The following ZC3H4 variants were observed in gnomAD, a reference collection of about 807,000 sequenced individuals.
ZC3H4 encodes the protein zinc finger CCCH-type containing 4.
Under a neutral mutation model 108.3 loss-of-function variants are expected in ZC3H4, and 13 were observed. The ratio of observed to expected loss-of-function variants is 0.12; its 90% CI spans 0.08 to 0.19. ZC3H4 has a LOEUF of 0.19. Ranked by LOEUF, ZC3H4 falls within the 10% of genes least tolerant of loss-of-function variation. ZC3H4 has a pLI of 1.00. For synonymous variants in ZC3H4, 917 were observed against 749.6 expected (o/e 1.22, Z -3.65); for missense variants, 1,734 against 1,838.8 (o/e 0.94, Z 1.04).
chr19:47,094,758 T>C (rs935542340), intron 2 of ZC3H4, 150 bp from the exon 3 acceptor site: 40 of 733,880 alleles, frequency 5.5e-5, no homozygotes, highest in Non-Finnish European at 7.7e-5. Flanking sequence ...TGGCCTCTTG[T>C]TCCATCCCTT....
intron 5 of ZC3H4, 90 bp downstream of exon 5, chr19:47,089,877 C>A (rs951978683): frequency 1.4e-6 from 2 of 1,394,238 alleles, no homozygotes; most frequent in South Asian, 1.2e-5. Flanking sequence ...CCCTAAGTGA[C>A]CAAACTTGAG....
rs983336280 is a variant in ZC3H4, at chr19:47,112,600, G to A, written c.-5-11C>T. 28 of 1,207,372 alleles carry A rather than the reference G, an allele frequency of 2.3e-5. No homozygotes were observed. In the Admixed American group the frequency reaches 5.9e-4, roughly 26 times the overall value. 74.8% of individuals were successfully genotyped at this position (1,207,372 alleles called of 1,614,324 possible). ...CGGCCTCCATAGTTCCTTTGGGGGGGAGGGGATGTTAATGCACGAAAAAGG... is the reference window on the plus strand; with the variant it reads ...CGGCCTCCATAGTTCCTTTGGGGGGAAGGGGATGTTAATGCACGAAAAAGG... On this transcript the variant is annotated splice_polypyrimidine_tract_variant and intron_variant, in intron 1 of 14. Transcript: ENST00000253048.
chr19:47,100,504 T>A (rs1257958510), intron 2 of ZC3H4, among the ~76,000 whole-genome samples: 1 of 151,716 alleles, frequency 6.6e-6, no homozygotes, highest in Admixed American at 6.6e-5. Flanking sequence ...GGCATCAGCA[T>A]CTGTACCCTG....
chr19:47,087,035 G>A (rs2057641323), intron 5 of ZC3H4, among the ~76,000 whole-genome samples: 1 of 151,940 alleles, frequency 6.6e-6, no homozygotes, highest in Non-Finnish European at 1.5e-5. Context: ...CAGCACTCTC[G>A]GAGGCTGAGG....
intron 10 of ZC3H4, 51 bp downstream of exon 10, chr19:47,082,133 C>G: frequency 7.0e-7 from 1 of 1,434,840 alleles, no homozygotes; most frequent in Non-Finnish European, 9.8e-7. Flanking sequence ...CATCAAGGAG[C>G]AGAGAAGTTC....
At position 47,072,839 on chromosome 19, in the gene ZC3H4, T is replaced by C; in HGVS notation, c.1441-126A>G. On this transcript the variant is annotated intron_variant, in intron 11 of 14. Coordinates refer to ENST00000253048, the MANE Select transcript of ZC3H4 (RefSeq NM_015168.2). The surrounding 1 kb of genome is among the most constrained non-coding windows in gnomAD (Gnocchi z 5.6). ...ACAAGGACCTTGAGATCTAAAGGCA[T>C]AAAGACCACAATGGCTCTGTAACAA... The C allele has an allele frequency of 9.2e-7, 1 of 1,086,502 alleles. No individual in the cohort carries two copies. The highest frequency in any genetic ancestry group is 1.3e-6 in the Non-Finnish European group (1 of 766,708). The allele number at this position is 1,086,502 out of a possible 1,614,324, so 67.3% of individuals were successfully genotyped here. A position where few individuals can be genotyped will look rare whatever the true frequency, so the allele number is the denominator to read the frequency against.
At chr19:47,076,043 T>C (rs532886774) in intron 11 of ZC3H4, among the ~76,000 whole-genome samples, 1 of 152,352 alleles carries the variant, frequency 6.6e-6, no homozygotes, top group Admixed American at 6.5e-5. Context: ...CTGCAAGCAA[T>C]AAGTAACACT....
Position 47,071,827 on chromosome 19 carries a change from GTAGAAGTTTTCA to G in ZC3H4, c.2085_2096del (p.Glu696_Tyr699del). ...CCATCTCCATGCCCTCCTGCTGCTGGTAGAAGTTTTCATAGAAGTTCTGGGCTGGCGGGATAG... is the reference window on the plus strand; with the variant it reads ...CCATCTCCATGCCCTCCTGCTGCTGGTAGAAGTTCTGGGCTGGCGGGATAG... On this transcript the variant is annotated inframe_deletion, in exon 13 of 15. Transcript: ENST00000253048. 6.2e-7 allele frequency: 1 copy of G among 1,613,626 alleles called. No homozygotes were observed. Among genetic ancestry groups the G allele is most frequent in the Admixed American group, 1.7e-5 (1 of 59,954 alleles).
Position 47,081,567 on chromosome 19 carries a change from G to A in ZC3H4, c.1386C>T (p.Asp462=). The A allele has an allele frequency of 6.2e-7, 1 of 1,614,246 alleles. No homozygotes were observed. Among genetic ancestry groups the A allele is most frequent in the Non-Finnish European group, 8.5e-7 (1 of 1,180,048 alleles). The stretch of plus-strand genomic sequence containing the variant: ...TCAGAGGGTCGTGGGAAAACATGCA[G>A]TCGTCACCATTGATGCAGTTCCCAG... ...HTTGNCINGD[D]CMFSHDPLTE... is the part of the protein sequence containing the mutation. The change falls in exon 11 of 15, where the codon GAC becomes GAT. Residue 462 remains aspartate (D), a synonymous_variant. Transcript: ENST00000253048.
intron 6 of ZC3H4, among the ~76,000 whole-genome samples, chr19:47,085,794 T>G (rs2057610049): frequency 1.3e-5 from 2 of 152,210 alleles, no homozygotes; most frequent in Non-Finnish European, 2.9e-5. Flanking sequence ...TGGCTGGAAA[T>G]GTCTCTAGAG....
chr19:47,072,126 A>T lies in ZC3H4; in HGVS notation c.1803-5T>A. The T allele has an allele frequency of 6.6e-7, 1 of 1,521,976 alleles. No individual in the cohort carries two copies. The highest frequency in any genetic ancestry group is 8.8e-7 in the Non-Finnish European group (1 of 1,138,124). 94.3% of individuals were successfully genotyped at this position (1,521,976 alleles called of 1,614,324 possible). A position where few individuals can be genotyped will look rare whatever the true frequency, so the allele number is the denominator to read the frequency against. The stretch of plus-strand genomic sequence containing the variant: ...GGTCCACCGGGTCCAGGGAACCTAG[A>T]AGAGGGAAAAGGTGCCTGTGACGGA... On this transcript the variant is annotated splice_region_variant and splice_polypyrimidine_tract_variant and intron_variant, in intron 12 of 14. Transcript: ENST00000253048. This position sits in a 1 kb window ranked among gnomAD's most constrained non-coding sequence, Gnocchi z 5.6.
rs367757496 is a variant in ZC3H4 at position 47,093,940 on chromosome 19, A to G, written c.492+30T>C. 77 of 1,582,590 alleles carry G rather than the reference A, an allele frequency of 4.9e-5. No homozygotes were observed. In the East Asian group the frequency reaches 1.6e-3, roughly 33 times the overall value. On this transcript the variant is annotated intron_variant, in intron 4 of 14. Coordinates refer to ENST00000253048, the MANE Select transcript of ZC3H4 (RefSeq NM_015168.2). The stretch of plus-strand genomic sequence containing the variant: ...AAGCAGTTGAACTCCTCCCGGCCCC[A>G]GAGCTCAGCAGTGCATGCCAGTCAC...
At position 47,066,835 on chromosome 19, in the gene ZC3H4, C is replaced by T. The variant is rs754605561; in HGVS notation, c.3433G>A (p.Gly1145Ser). The T allele has an allele frequency of 5.6e-6, 9 of 1,599,652 alleles. No homozygotes were observed. Among genetic ancestry groups the T allele is most frequent in the African/African-American group, 4.0e-5 (3 of 75,034 alleles). Residue 1145 changes from glycine (G) to serine (S), a missense_variant, in exon 15 of 15, where the codon GGT (glycine) becomes AGT (serine). Around this residue, in one of 9 missense-constraint regions of ZC3H4, gnomAD observed 518 missense variants for 499.6 expected, o/e 1.04. Transcript: ENST00000253048. ...GGGGQSSVLSGISLYDPRTPN... is the reference protein window; with the variant it reads ...GGGGQSSVLSSISLYDPRTPN... ...GTCCTCGGGTCGTAGAGGCTGATACCGCTCAGCACACTGCTCTGCCCGCCC... is the reference window on the plus strand; with the variant it reads ...GTCCTCGGGTCGTAGAGGCTGATACTGCTCAGCACACTGCTCTGCCCGCCC...
chr19:47,084,213 A>C (rs1421826086), intron 9 of ZC3H4, 132 bp downstream of exon 9: 2 of 804,298 alleles, frequency 2.5e-6, no homozygotes, highest in Admixed American at 4.7e-5. Flanking sequence ...CAGTATCGGC[A>C]AGTGTCCACA....
In ZC3H4 at chr19:47,064,496, A is replaced by C. The variant is rs1016034109; in HGVS notation, c.*1860T>G. On this transcript the variant is annotated 3_prime_UTR_variant, in exon 15 of 15. Coordinates refer to ENST00000253048, the MANE Select transcript of ZC3H4 (RefSeq NM_015168.2). ...TAGTCCTATGAGGTTCTTAGGCTGA[A>C]TATTCCAAGAGGAGGGCTCCAGCTT... The C allele has an allele frequency of 6.6e-6, 1 of 152,474 alleles. No individual in the cohort carries two copies. The highest frequency in any genetic ancestry group is 1.5e-5 in the Non-Finnish European group (1 of 68,036). 9.4% of individuals were successfully genotyped at this position (152,474 alleles called of 1,614,324 possible).
In ZC3H4 at chr19:47,066,796, C is replaced by T. The variant is rs1193184632; in HGVS notation, c.3472G>A (p.Gly1158Ser). 1 of 1,600,680 alleles carries T rather than the reference C, an allele frequency of 6.2e-7. No individual in the cohort carries two copies. The highest frequency in any genetic ancestry group is 1.3e-5 in the African/African-American group (1 of 75,014). The change falls in exon 15 of 15, where the codon GGC (glycine) becomes AGC (serine). Residue 1158 changes from glycine (G) to serine (S), a missense_variant. Transcript: ENST00000253048. ...LYDPRTPNAG[G>S]KATEPAADTG... ...TCAGCAGCCGGCTCTGTGGCTTTGCCCCCCGCGTTGGGAGTCCTCGGGTCG... is the reference window on the plus strand; with the variant it reads ...TCAGCAGCCGGCTCTGTGGCTTTGCTCCCCGCGTTGGGAGTCCTCGGGTCG...
chr19:47,077,543 T>G (rs1487736135), intron 11 of ZC3H4, among the ~76,000 whole-genome samples: 1 of 150,644 alleles, frequency 6.6e-6, no homozygotes, highest in Non-Finnish European at 1.5e-5. Context: ...CTTAAAGCAC[T>G]CAGATAAATT....
intron 2 of ZC3H4, among the ~76,000 whole-genome samples, chr19:47,102,908 T>C (rs564948905): frequency 6.6e-6 from 1 of 152,228 alleles, no homozygotes; most frequent in Admixed American, 6.5e-5. Context: ...CTGGGGTTTG[T>C]CCAAGCATGC....
intron 2 of ZC3H4, among the ~76,000 whole-genome samples, chr19:47,103,762 TAA>T (rs748735701): frequency 2.2e-3 from 240 of 108,444 alleles, no homozygotes; most frequent in Non-Finnish European, 3.4e-3. Flanking sequence ...CCGTCTCTAC[TAA>T]AAAAAAAAAA....
Sources: allele counts gnomAD v4.1 joint callset (sites outside exome capture counted in the v4.1 genomes callset), GRCh38; gene constraint gnomAD v4.1.1; regional missense constraint gnomAD v4.1.1; non-coding constraint Gnocchi (gnomAD v3.1); transcripts MANE v1.5; gene names NCBI Gene and HGNC (gene_info 2026-07-23, HGNC 2026-07-21).